Variants in COL8A1 observed in about 807,000 individuals in gnomAD.
The protein encoded by COL8A1 is collagen alpha-1(VIII) chain.
COL8A1 carries 21 observed loss-of-function variants against 42.7 expected under a neutral mutation model. The ratio of observed to expected loss-of-function variants is 0.49; its 90% CI spans 0.35 to 0.71. COL8A1 has a LOEUF of 0.71. Among genes scored for constraint, COL8A1 ranks in the 30% least tolerant of loss-of-function variants. COL8A1 has a pLI of 0.01. For synonymous variants in COL8A1, 367 were observed against 369.1 expected, an observed-to-expected ratio of 0.99 and a Z score of 0.06; for missense variants, 788 against 962.4, an observed-to-expected ratio of 0.82 and a Z score of 2.40.
At position 99,795,846 on chromosome 3, in the gene COL8A1, C is replaced by A. The variant is rs751506766; in HGVS notation, c.1945C>A (p.Gln649Lys). The A allele has an allele frequency of 3.8e-5, 62 of 1,614,100 alleles. No homozygotes were observed. Among genetic ancestry groups the A allele is most frequent in the Non-Finnish European group, 5.0e-5 (59 of 1,180,044 alleles). The change falls in exon 4 of 4, where the codon CAG (glutamine) becomes AAG (lysine). Residue 649 changes from glutamine to lysine, a missense_variant. By Grantham distance (53) the Gln-to-Lys change is moderately conservative (BLOSUM62 1). This residue lies in a region of COL8A1 where 212 missense variants were observed against 210.9 expected (regional missense o/e 1.00). Coordinates refer to ENST00000652472, the MANE Select transcript of COL8A1 (RefSeq NM_020351.4). The stretch of plus-strand genomic sequence containing the variant: ...TAACGGCAGACAGAACTACAACCCG[C>A]AGACAGGCATCTTCACCTGTGAGGT... ...LYNGRQNYNP[Q>K]TGIFTCEVPG...
intron 1 of COL8A1, among the ~76,000 whole-genome samples, chr3:99,693,825 C>T (rs1939290445): frequency 2.0e-5 from 3 of 152,188 alleles, no homozygotes; most frequent in Admixed American, 2.0e-4. Context: ...TTCACATTCA[C>T]TCACCACTCA....
intron 2 of COL8A1, among the ~76,000 whole-genome samples, chr3:99,785,489 G>A (rs966204775): frequency 5.9e-5 from 9 of 152,214 alleles, no homozygotes; most frequent in Non-Finnish European, 1.3e-4. Flanking sequence ...CAATGATGGA[G>A]AAGGTGGGGA....
chr3:99,639,049 C>A (rs1937451089), intron 1 of COL8A1, among the ~76,000 whole-genome samples: 1 of 152,156 alleles, frequency 6.6e-6, no homozygotes, highest in Admixed American at 6.5e-5. Flanking sequence ...TAAAAGAACA[C>A]AGTTAACTTC....
At chr3:99,649,488 C>T (rs1183392525) in intron 1 of COL8A1, among the ~76,000 whole-genome samples, 1 of 152,112 alleles carries the variant, frequency 6.6e-6, no homozygotes, top group Non-Finnish European at 1.5e-5. Flanking sequence ...GACAATTTGG[C>T]CTAAGTTCAT....
chr3:99,648,106 G>A (rs779639026), intron 1 of COL8A1, among the ~76,000 whole-genome samples: 14 of 152,110 alleles, frequency 9.2e-5, no homozygotes, highest in Admixed American at 1.3e-4. Flanking sequence ...TGCTAGTCCC[G>A]TTATCTATAT....
At chr3:99,707,893 T>C (rs932312546) in intron 1 of COL8A1, among the ~76,000 whole-genome samples, 1 of 152,056 alleles carries the variant, frequency 6.6e-6, no homozygotes, top group Non-Finnish European at 1.5e-5. Context: ...ATGAGACAGA[T>C]AGTGTTTTTA....
At chr3:99,789,175 TAC>T (rs1941950540) in intron 2 of COL8A1, among the ~76,000 whole-genome samples, 1 of 152,194 alleles carries the variant, frequency 6.6e-6, no homozygotes, top group Non-Finnish European at 1.5e-5. Context: ...GTAGCCTGTA[TAC>T]ACTCTTGGCA....
rs1941248916 is a variant in COL8A1, at chr3:99,756,108, GAGA to G, written c.-4+11094_-4+11096del. On this transcript the variant is annotated intron_variant, in intron 2 of 3. Transcript: ENST00000652472. ...AAACTTGCAGATGGATTGGATGTGT[GAGA>G]AGAAGAGATATCGAGAATGTCTCCT... Among the ~76,000 whole-genome samples, 8 of 151,750 alleles carry G rather than the reference GAGA, an allele frequency of 5.3e-5. No homozygotes were observed. In the South Asian group the frequency reaches 1.7e-3, roughly 32 times the overall value.
chr3:99,728,226 T>C (rs958742813), intron 1 of COL8A1, among the ~76,000 whole-genome samples: 34 of 152,186 alleles, frequency 2.2e-4, no homozygotes, highest in African/African-American at 7.7e-4. Flanking sequence ...ATGACATGAT[T>C]GTATATCTAG....
rs533811311 is a variant in COL8A1 at position 99,654,712 on chromosome 3, C to T, written c.-129+16048C>T. Among the ~76,000 whole-genome samples the T allele has an allele frequency of 1.6e-3, 243 of 151,712 alleles. 2 individuals are homozygous for T. Among genetic ancestry groups the T allele is most frequent in the African/African-American group, 5.4e-3 (225 of 41,332 alleles). Reference sequence around the variant, plus strand: ...CTGAAGTGGGAGGATCACTTTAGCCCGGGAGGTGGAGGCTGCAGTGAGCTG... The same window carrying T: ...CTGAAGTGGGAGGATCACTTTAGCCTGGGAGGTGGAGGCTGCAGTGAGCTG... On this transcript the variant is annotated intron_variant, in intron 1 of 3. Coordinates refer to ENST00000652472, the MANE Select transcript of COL8A1 (RefSeq NM_020351.4).
chr3:99,773,325 T>A (rs1206005289), intron 2 of COL8A1, among the ~76,000 whole-genome samples: 3 of 152,204 alleles, frequency 2.0e-5, no homozygotes, highest in Admixed American at 1.3e-4. Context: ...CACGTCATAG[T>A]GAGCAGGCTC....
At chr3:99,790,413 G>A (rs1941977931) in intron 2 of COL8A1, among the ~76,000 whole-genome samples, 1 of 152,182 alleles carries the variant, frequency 6.6e-6, no homozygotes, top group African/African-American at 2.4e-5. Context: ...GGCAAGAAAG[G>A]CAGAATCGAT....
At chr3:99,696,509 A>G (rs940353470) in intron 1 of COL8A1, among the ~76,000 whole-genome samples, 6 of 152,162 alleles carry the variant, frequency 3.9e-5, no homozygotes, top group African/African-American at 1.4e-4. Context: ...AGCTTGAAAC[A>G]GGGCCAAGGA....
intron 1 of COL8A1, among the ~76,000 whole-genome samples, chr3:99,715,291 T>C (rs906354440): frequency 3.3e-5 from 5 of 151,940 alleles, no homozygotes; most frequent in Non-Finnish European, 7.4e-5. Context: ...AGTAAACAAA[T>C]GAGAAATGAT....
chr3:99,791,336 T>C (rs931635550), intron 3 of COL8A1, among the ~76,000 whole-genome samples: 2 of 152,138 alleles, frequency 1.3e-5, no homozygotes, highest in Admixed American at 1.3e-4. Context: ...TGTGTCAGGC[T>C]CTGGGCCAGA....
chr3:99,758,501 C>T (rs1255015887), intron 2 of COL8A1, among the ~76,000 whole-genome samples: 1 of 152,146 alleles, frequency 6.6e-6, no homozygotes, highest in Non-Finnish European at 1.5e-5. Context: ...ATTGGTTATA[C>T]TGGATGCTGT....
chr3:99,793,467 C>T (rs993923784), intron 3 of COL8A1, among the ~76,000 whole-genome samples: 3 of 151,490 alleles, frequency 2.0e-5, no homozygotes, highest in Non-Finnish European at 4.4e-5. Flanking sequence ...ACAGATAGAA[C>T]AAATGAGATG....
intron 1 of COL8A1, among the ~76,000 whole-genome samples, chr3:99,701,525 A>G (rs777829709): frequency 2.0e-5 from 3 of 152,196 alleles, no homozygotes; most frequent in Non-Finnish European, 4.4e-5. Context: ...CACTTCTTAG[A>G]ACCCCAGAGT....
At chr3:99,733,210 C>A (rs1056713917) in intron 1 of COL8A1, among the ~76,000 whole-genome samples, 2 of 149,074 alleles carry the variant, frequency 1.3e-5, no homozygotes, top group Admixed American at 6.7e-5. Flanking sequence ...AGGTTAGTTA[C>A]ATATGTATAC....
Sources: gnomAD v4.1 joint callset for allele counts (sites outside exome capture counted in the v4.1 genomes callset) on GRCh38, gnomAD v4.1.1 for gene constraint, gnomAD v4.1.1 regional missense constraint, MANE v1.5 for transcripts, NCBI Gene and HGNC (gene_info 2026-07-23, HGNC 2026-07-21) for gene names.